Variants in ALOX15B observed in about 807,000 individuals in gnomAD.
ALOX15B encodes polyunsaturated fatty acid lipoxygenase ALOX15B.
Under a neutral mutation model 73.8 loss-of-function variants are expected in ALOX15B, and 74 were observed. The observed-to-expected ratio is 1.00, with a 90% CI of 0.83 to 1.22. The LOEUF (loss-of-function observed/expected upper bound fraction) is 1.22. Among genes scored for constraint, ALOX15B ranks in the 50% most tolerant of loss-of-function variants. ALOX15B has a pLI of 0.00. For missense variants in ALOX15B, 896 were observed against 859.9 expected (o/e 1.04, Z -0.52); for synonymous variants, 353 against 357.2 (o/e 0.99, Z 0.13).
chr17:8,040,242 T>C (rs1976399896), intron 3 of ALOX15B, among the ~76,000 whole-genome samples: 1 of 152,040 alleles, frequency 6.6e-6, no homozygotes, highest in Admixed American at 6.5e-5. Flanking sequence ...CACTGATGTT[T>C]GAAAAACACT....
chr17:8,045,812 C>A, intron 8 of ALOX15B, 126 bp downstream of exon 8: 3 of 1,055,106 alleles, frequency 2.8e-6, no homozygotes, highest in Non-Finnish European at 2.8e-6. Context: ...TCAGCAGCAT[C>A]TCCTGGCACA....
intron 3 of ALOX15B, among the ~76,000 whole-genome samples, chr17:8,040,652 A>AAAGAAAGAAAG (rs200945787): frequency 0.018 from 1,726 of 96,976 alleles, 28 homozygotes; most frequent in East Asian, 0.035. Flanking sequence ...AGAAAGAAAG[A>AAAGAAAGAAAG]AAAGAAAGAG....
intron 3 of ALOX15B, among the ~76,000 whole-genome samples, chr17:8,040,601 G>GAAAGAA (rs1555638442): frequency 3.1e-4 from 34 of 109,526 alleles, no homozygotes; most frequent in African/African-American, 7.7e-4. Context: ...AAGAAAGAGA[G>GAAAGAA]AGAAAGAAAG....
At position 8,047,059 on chromosome 17, in the gene ALOX15B, C is replaced by A; in HGVS notation, c.1440C>A (p.Ile480=). The A allele has an allele frequency of 6.2e-7, 1 of 1,613,402 alleles. No homozygotes were observed. Among genetic ancestry groups the A allele is most frequent in the South Asian group, 1.1e-5 (1 of 91,062 alleles). ...ACTACCGTGATGATGGGATGCAGAT[C>A]TGGGGTGCAGTGGAACGGTGAGGGG... ...GYYYRDDGMQ[I]WGAVERFVSE... Residue 480 remains isoleucine, a synonymous_variant, in exon 10 of 14, where the codon ATC becomes ATA. Transcript: ENST00000380183.
At chr17:8,048,337 A>G (rs748758856) in intron 13 of ALOX15B, 49 bp from the exon 14 acceptor site, 4 of 1,572,294 alleles carry the variant, frequency 2.5e-6, no homozygotes, top group Admixed American at 3.6e-5. Context: ...GGAGTCTGGG[A>G]TGCAGGACCT....
chr17:8,045,135 C>T (rs561682725), intron 6 of ALOX15B, 103 bp from the exon 7 acceptor site: 68 of 1,593,040 alleles, frequency 4.3e-5, no homozygotes, highest in Middle Eastern at 3.7e-4. Flanking sequence ...CACACTCTCC[C>T]GAAACACACT....
chr17:8,046,716 C>T lies in ALOX15B; in HGVS notation c.1249C>T (p.Arg417Trp), dbSNP rs61730345. The part of the protein sequence containing the change: ...RYTLHINTLA[R>W]ELLIVPGQVV... ...CACCCTGCACATCAACACACTCGCCCGGGAGCTGCTTATCGTGCCAGGGCA... is the reference window on the plus strand; with the variant it reads ...CACCCTGCACATCAACACACTCGCCTGGGAGCTGCTTATCGTGCCAGGGCA... Residue 417 changes from arginine to tryptophan, a missense_variant, in exon 9 of 14, where the codon CGG becomes TGG. Coordinates refer to ENST00000380183, the MANE Select transcript of ALOX15B (RefSeq NM_001141.3). The T allele has an allele frequency of 5.8e-4, 942 of 1,613,710 alleles. No individual in the cohort carries two copies. The highest frequency in any genetic ancestry group is 7.5e-4 in the Non-Finnish European group (888 of 1,179,904).
rs1389167065 is a variant in ALOX15B at position 8,048,725 on chromosome 17, C to A, written c.*160C>A. ...TCACCCCCACCACCATACACACACA[C>A]AAAAACAGAAACAAAATCAAAACAG... On this transcript the variant is annotated 3_prime_UTR_variant, in exon 14 of 14. Coordinates refer to ENST00000380183, the MANE Select transcript of ALOX15B (RefSeq NM_001141.3). 5 of 676,604 alleles carry A rather than the reference C, an allele frequency of 7.4e-6. No homozygotes were observed. Among genetic ancestry groups the A allele is most frequent in the African/African-American group, 5.5e-5 (3 of 54,940 alleles). 41.9% of individuals were successfully genotyped at this position (676,604 alleles called of 1,614,324 possible).
intron 7 of ALOX15B, 43 bp downstream of exon 7, chr17:8,045,427 G>A (rs1976579704): frequency 3.1e-6 from 5 of 1,613,620 alleles, no homozygotes; most frequent in African/African-American, 1.3e-5. Flanking sequence ...AGAAGAGTCA[G>A]GAGAATGGTT....
At position 8,044,759 on chromosome 17, in the gene ALOX15B, C is replaced by G; in HGVS notation, c.677-70C>G. ...CTGTGGGAGCTGGGGTAACCCCGTC[C>G]CCGTGTCCCCCACCCCCTGCAAAGC... is the stretch of plus-strand genomic sequence containing the variant. On this transcript the variant is annotated intron_variant, in intron 5 of 13. Transcript: ENST00000380183. 2.0e-6 allele frequency: 2 copies of G among 1,023,122 alleles called. 1 individual carries two copies. The highest frequency in any genetic ancestry group is 2.9e-6 in the Non-Finnish European group (2 of 700,922). 63.4% of individuals were successfully genotyped at this position (1,023,122 alleles called of 1,614,324 possible).
Position 8,047,217 on chromosome 17 carries a change from G to T in ALOX15B, c.1458-41G>T, listed in dbSNP as rs763004943. On this transcript the variant is annotated intron_variant, in intron 10 of 13. Coordinates refer to ENST00000380183, the MANE Select transcript of ALOX15B (RefSeq NM_001141.3). Reference sequence around the variant, plus strand: ...TAAGCAGAGGCATTCCTCAGAGCGGGTCGGGGTTGGAGGCTGGACCTGAAC... The same window carrying T: ...TAAGCAGAGGCATTCCTCAGAGCGGTTCGGGGTTGGAGGCTGGACCTGAAC... 1.1e-5 allele frequency: 17 copies of T among 1,613,224 alleles called. 1 individual carries two copies. In the South Asian group the frequency reaches 1.1e-4, roughly 10 times the overall value.
At position 8,048,709 on chromosome 17, in the gene ALOX15B, C is replaced by T. The variant is rs1280438751; in HGVS notation, c.*144C>T. The T allele has an allele frequency of 5.2e-6, 4 of 776,090 alleles. No individual in the cohort carries two copies. The highest frequency in any genetic ancestry group is 2.1e-5 in the South Asian group (1 of 46,848). The allele number at this position is 776,090 out of a possible 1,614,324, so 48.1% of individuals were successfully genotyped here. ...AACCAGACTCTGTAACTCACCCCCA[C>T]CACCATACACACACACAAAAACAGA... On this transcript the variant is annotated 3_prime_UTR_variant, in exon 14 of 14. Coordinates refer to ENST00000380183, the MANE Select transcript of ALOX15B (RefSeq NM_001141.3).
In ALOX15B at chr17:8,047,619, GA is replaced by G. The variant is rs1252061347; in HGVS notation, c.1636del (p.Ile546TyrfsTer46). ...EALVQYVTMV[I>X]FTCSAKHAAV... ...CCCTGGTGCAGTATGTCACCATGGT[GA>G]TATTCACCTGCTCCGCCAAGCATGC... On this transcript the variant is annotated frameshift_variant, in exon 12 of 14. Transcript: ENST00000380183. LOFTEE classifies it high-confidence loss of function. The G allele has an allele frequency of 6.2e-7, 1 of 1,611,558 alleles. No individual in the cohort carries two copies.
At chr17:8,039,667 T>A in intron 2 of ALOX15B, 62 bp downstream of exon 2, 2 of 1,280,148 alleles carry the variant, frequency 1.6e-6, no homozygotes, top group South Asian at 2.9e-5. Flanking sequence ...GGACTGGGGG[T>A]TGGGGAGAAG....
At position 8,040,601 on chromosome 17, in the gene ALOX15B, G is replaced by GAGAAAGAAAGAAAGAAAGAAAGAA. The variant is rs373229362; in HGVS notation, c.449+648_449+671dup. 2.0e-3 allele frequency among the ~76,000 whole-genome samples: 214 copies of GAGAAAGAAAGAAAGAAAGAAAGAA among 109,520 alleles called. 1 individual carries two copies. Among genetic ancestry groups the GAGAAAGAAAGAAAGAAAGAAAGAA allele is most frequent in the East Asian group, 5.0e-3 (18 of 3,594 alleles). 71.8% of individuals were successfully genotyped at this position (109,520 alleles called of 152,430 possible). On this transcript the variant is annotated intron_variant, in intron 3 of 13. Transcript: ENST00000380183. The stretch of plus-strand genomic sequence containing the variant: ...GGAAGGAAAGAGAGAAAGAAAGAGA[G>GAGAAAGAAAGAAAGAAAGAAAGAA]AGAAAGAAAGAAAGAAAGAAAGAAA...
At chr17:8,046,435 T>G (rs984169667) in intron 8 of ALOX15B, among the ~76,000 whole-genome samples, 2 of 152,176 alleles carry the variant, frequency 1.3e-5, no homozygotes, top group African/African-American at 2.4e-5. Flanking sequence ...CACCCACATT[T>G]GACAAAACAA....
At position 8,039,914 on chromosome 17, in the gene ALOX15B, G is replaced by A; in HGVS notation, c.380G>A (p.Trp127Ter). 3 of 1,613,492 alleles carry A rather than the reference G, an allele frequency of 1.9e-6. No homozygotes were observed. The highest frequency in any genetic ancestry group is 8.5e-7 in the Non-Finnish European group (1 of 1,179,744). The change falls in exon 3 of 14, where the codon TGG becomes TAG. Residue 127 changes from tryptophan to a stop codon, truncating the protein, a stop_gained. Transcript: ENST00000380183. LOFTEE classifies it high-confidence loss of function. ...CCTTCTCCCACAGCCAAGGTGTCCT[G>A]GGCAGACCACCACCCTGTGCTCCAG... ...VLQEGTAKVS[W>*]ADHHPVLQQQ... is the part of the protein sequence containing the mutation.
chr17:8,047,017 A>C lies in ALOX15B; in HGVS notation c.1398A>C (p.Glu466Asp). 1 of 1,614,086 alleles carries C rather than the reference A, an allele frequency of 6.2e-7. No individual in the cohort carries two copies. The highest frequency in any genetic ancestry group is 8.5e-7 in the Non-Finnish European group (1 of 1,180,014). The stretch of plus-strand genomic sequence containing the variant: ...AGGATATCCGGACCCGAGGAGTTGA[A>C]GACATCCCAGGCTACTACTACCGTG... ...LPEDIRTRGVEDIPGYYYRDD... is the reference protein window; with the variant it reads ...LPEDIRTRGVDDIPGYYYRDD... Residue 466 changes from glutamate (E) to aspartate (D), a missense_variant, in exon 10 of 14, where the codon GAA (glutamate) becomes GAC (aspartate). Physicochemically the swap from Glu to Asp is conservative, Grantham distance 45. Transcript: ENST00000380183.
At chr17:8,042,055 T>C (rs1261558797) in intron 3 of ALOX15B, among the ~76,000 whole-genome samples, 1 of 152,114 alleles carries the variant, frequency 6.6e-6, no homozygotes, top group African/African-American at 2.4e-5. Flanking sequence ...AATCTACATA[T>C]CCAGAGAGAG....
Sources: gnomAD v4.1 joint callset for allele counts (sites outside exome capture counted in the v4.1 genomes callset) on GRCh38, gnomAD v4.1.1 for gene constraint, MANE v1.5 for transcripts, NCBI Gene and HGNC (gene_info 2026-07-23, HGNC 2026-07-21) for gene names.